The following ANKS1A variants were observed in gnomAD, a reference collection of about 807,000 sequenced individuals.
ANKS1A encodes the protein ankyrin repeat and SAM domain-containing protein 1A.
In ANKS1A, 55 loss-of-function variants were observed where a neutral mutation model predicts 120.3. The observed-to-expected ratio is 0.46, with a 90% CI of 0.37 to 0.57. The LOEUF (loss-of-function observed/expected upper bound fraction) is 0.57, where lower values mean the gene tolerates loss of function less well. Ranked by LOEUF, ANKS1A falls within the 20% of genes least tolerant of loss-of-function variation. ANKS1A has a pLI of 0.00. For synonymous variants in ANKS1A, 590 were observed against 604.7 expected (o/e 0.98, Z 0.36); for missense variants, 1,123 against 1,480.3 (o/e 0.76, Z 3.96).
At chr6:35,019,911 A>G (rs1774242117) in intron 11 of ANKS1A, among the ~76,000 whole-genome samples, 1 of 152,210 alleles carries the variant, frequency 6.6e-6, no homozygotes, top group African/African-American at 2.4e-5. Context: ...AAAGACCACT[A>G]GAGCAATGGG....
intron 10 of ANKS1A, chr6:35,009,935 G>C: frequency 6.1e-6 from 1 of 163,142 alleles, no homozygotes; most frequent in Non-Finnish European, 1.1e-5. Flanking sequence ...AAAAAAAAAA[G>C]TCCATTGCTG....
rs780166520 is a variant in ANKS1A, at chr6:35,079,849, G to A, written c.2465G>A (p.Arg822His). The A allele has an allele frequency of 1.1e-5, 17 of 1,572,936 alleles. No homozygotes were observed. The highest frequency in any genetic ancestry group is 2.7e-5 in the African/African-American group (2 of 74,034). ...NVLKVQLLGH[R>H]KRIIASLADR... is the part of the protein sequence containing the mutation. ...CTGAAGGTCCAGCTGCTCGGCCATC[G>A]CAAGCGCATCATCGCCTCCCTCGCA... is the stretch of plus-strand genomic sequence containing the variant. Residue 822 changes from arginine to histidine, a missense_variant, in exon 16 of 24, where the codon CGC becomes CAC. This residue lies in a region of ANKS1A where 904 missense variants were observed against 1,130.4 expected (regional missense o/e 0.80). Transcript: ENST00000360359.
chr6:35,059,226 G>A (rs1776356366), intron 12 of ANKS1A, among the ~76,000 whole-genome samples: 1 of 152,228 alleles, frequency 6.6e-6, no homozygotes. Flanking sequence ...CACTTCAGAC[G>A]GCGTGCTGGC....
rs188856610 is a variant in ANKS1A at position 35,089,857 on chromosome 6, G to C, written c.*1248G>C. The stretch of plus-strand genomic sequence containing the variant: ...GCTGTGTGCCCAGTTCCTCCTGTGG[G>C]CACTTTAGCAGGCTCCGAGCTTTCC... On this transcript the variant is annotated 3_prime_UTR_variant, in exon 24 of 24. Coordinates refer to ENST00000360359, the MANE Select transcript of ANKS1A (RefSeq NM_015245.3). The C allele has an allele frequency of 9.3e-7, 1 of 1,075,120 alleles. No homozygotes were observed. The highest frequency in any genetic ancestry group is 4.7e-5 in the Admixed American group (1 of 21,214). 66.6% of individuals were successfully genotyped at this position (1,075,120 alleles called of 1,614,324 possible). A position where few individuals can be genotyped will look rare whatever the true frequency, so the allele number is the denominator to read the frequency against.
rs1488799542 is a variant in ANKS1A, at chr6:35,085,034, G to T, written c.3133-732G>T. On this transcript the variant is annotated intron_variant, in intron 21 of 23. Transcript: ENST00000360359. This position sits in a 1 kb window ranked among gnomAD's most constrained non-coding sequence, Gnocchi z 4.7. ...AATCTCTGTGGCTCCTGGAATACAG[G>T]CAGCTCTGGGCATCCCCACACTCCT... 6.6e-6 allele frequency among the ~76,000 whole-genome samples: 1 copy of T among 152,150 alleles called. No individual in the cohort carries two copies. Among genetic ancestry groups the T allele is most frequent in the African/African-American group, 2.4e-5 (1 of 41,444 alleles).
chr6:35,048,672 C>T (rs973522120), intron 11 of ANKS1A, among the ~76,000 whole-genome samples: 1 of 152,206 alleles, frequency 6.6e-6, no homozygotes, highest in Non-Finnish European at 1.5e-5. Flanking sequence ...GGCTGAGAGG[C>T]GTCTGCTGCT....
chr6:34,923,574 AC>A (rs879413622), intron 1 of ANKS1A, among the ~76,000 whole-genome samples: 8 of 152,162 alleles, frequency 5.3e-5, no homozygotes, highest in East Asian at 1.9e-4. Flanking sequence ...AGGTAACCAG[AC>A]CCCCTTTTAC....
chr6:34,891,213 T>G (rs1202125627), intron 1 of ANKS1A, among the ~76,000 whole-genome samples: 1 of 152,164 alleles, frequency 6.6e-6, no homozygotes, highest in Admixed American at 6.5e-5. Flanking sequence ...TACCCCATGA[T>G]CAGAGGCACA....
intron 1 of ANKS1A, among the ~76,000 whole-genome samples, chr6:34,952,981 A>T (rs1460835135): frequency 6.6e-6 from 1 of 152,212 alleles, no homozygotes; most frequent in Non-Finnish European, 1.5e-5. Context: ...AAGTGCTGGG[A>T]TTACAGGCGT....
chr6:35,041,382 G>A (rs1775449856), intron 11 of ANKS1A, among the ~76,000 whole-genome samples: 1 of 152,212 alleles, frequency 6.6e-6, no homozygotes, highest in African/African-American at 2.4e-5. Context: ...ATTGTGGGCA[G>A]CTCGGGGGTC....
intron 20 of ANKS1A, among the ~76,000 whole-genome samples, chr6:35,083,717 A>G (rs1777810199): frequency 6.6e-6 from 1 of 152,046 alleles, no homozygotes; most frequent in Non-Finnish European, 1.5e-5. Flanking sequence ...CCTAGTGATC[A>G]CTGCTGTTAG....
chr6:35,016,501 C>A (rs1306803913), intron 10 of ANKS1A, among the ~76,000 whole-genome samples: 1 of 152,110 alleles, frequency 6.6e-6, no homozygotes, highest in Non-Finnish European at 1.5e-5. Context: ...CCTGGGTGTG[C>A]CAGTGTAGTG....
chr6:35,053,799 C>A (rs942418667), intron 11 of ANKS1A, among the ~76,000 whole-genome samples: 3 of 152,238 alleles, frequency 2.0e-5, no homozygotes, highest in African/African-American at 7.2e-5. Context: ...TCTGGGAGAA[C>A]TGCTGGGGAG....
intron 11 of ANKS1A, among the ~76,000 whole-genome samples, chr6:35,019,139 T>C (rs1581654625): frequency 6.6e-6 from 1 of 152,356 alleles, no homozygotes; most frequent in East Asian, 1.9e-4. Flanking sequence ...CATGTCTCGC[T>C]GAGCAGAAGA....
At chr6:35,071,281 T>C (rs767285310) in intron 13 of ANKS1A, among the ~76,000 whole-genome samples, 16 of 152,218 alleles carry the variant, frequency 1.1e-4, no homozygotes, top group Non-Finnish European at 2.1e-4. Flanking sequence ...CTCTATAGAA[T>C]GTAAATTTCC....
intron 11 of ANKS1A, among the ~76,000 whole-genome samples, chr6:35,039,417 G>A (rs916260397): frequency 1.3e-5 from 2 of 152,080 alleles, no homozygotes; most frequent in African/African-American, 2.4e-5. Context: ...GGCTGGTCTT[G>A]AACTCCCGAC....
chr6:34,906,163 G>A (rs1052162915), intron 1 of ANKS1A, among the ~76,000 whole-genome samples: 3 of 152,114 alleles, frequency 2.0e-5, no homozygotes, highest in Admixed American at 6.5e-5. Flanking sequence ...GGGTGGCAGG[G>A]GGCAGTGTTT....
chr6:35,052,834 G>A (rs1776036760), intron 11 of ANKS1A, among the ~76,000 whole-genome samples: 1 of 152,092 alleles, frequency 6.6e-6, no homozygotes, highest in Non-Finnish European at 1.5e-5. Flanking sequence ...TGGGCTGCTG[G>A]GGCCAGTGTT....
intron 1 of ANKS1A, among the ~76,000 whole-genome samples, chr6:34,912,063 A>G (rs940975493): frequency 1.3e-5 from 2 of 152,214 alleles, no homozygotes; most frequent in African/African-American, 2.4e-5. Flanking sequence ...GCATGCTACA[A>G]TTTATGAAAG....
Sources: allele counts gnomAD v4.1 joint callset (sites outside exome capture counted in the v4.1 genomes callset), GRCh38; gene constraint gnomAD v4.1.1; regional missense constraint gnomAD v4.1.1; non-coding constraint Gnocchi (gnomAD v3.1); transcripts MANE v1.5; gene names NCBI Gene and HGNC (gene_info 2026-07-23, HGNC 2026-07-21).